The following INVS variants were observed in gnomAD, a reference collection of about 807,000 sequenced individuals.
INVS encodes inversin.
Under a neutral mutation model 108.8 loss-of-function variants are expected in INVS, and 86 were observed. The ratio of observed to expected loss-of-function variants is 0.79; its 90% CI spans 0.66 to 0.95. The LOEUF (loss-of-function observed/expected upper bound fraction) is 0.95, where lower values mean the gene tolerates loss of function less well. Among genes scored for constraint, INVS ranks in the 40% least tolerant of loss-of-function variants. The pLI is 0.00. For synonymous variants in INVS, 455 were observed against 473.5 expected, an observed-to-expected ratio of 0.96 and a Z score of 0.51; for missense variants, 1,169 against 1,297.4, an observed-to-expected ratio of 0.90 and a Z score of 1.52.
intron 3 of INVS, 117 bp from the exon 4 acceptor site, chr9:100,225,945 T>TTCTCTGGATGTTATTACTC: frequency 1.4e-6 from 1 of 693,800 alleles, no homozygotes; most frequent in Non-Finnish European, 2.4e-6. Context: ...CCTTATTAAT[T>TTCTCTGGATGTTATTACTC]TCTCTGGATG....
intron 12 of INVS, among the ~76,000 whole-genome samples, chr9:100,281,756 A>G (rs1044568557): frequency 2.3e-5 from 3 of 131,602 alleles, no homozygotes; most frequent in Non-Finnish European, 3.3e-5. Context: ...CCCCCCTCCA[A>G]AGCAATCTCC....
chr9:100,219,366 AGAGGCT>A (rs1460085317), intron 3 of INVS, among the ~76,000 whole-genome samples: 1 of 152,130 alleles, frequency 6.6e-6, no homozygotes, highest in Non-Finnish European at 1.5e-5. Flanking sequence ...CAACTACTTG[AGAGGCT>A]GAGGTGGTAG....
At chr9:100,201,145 T>C (rs1241143402) in intron 3 of INVS, among the ~76,000 whole-genome samples, 1 of 152,226 alleles carries the variant, frequency 6.6e-6, no homozygotes, top group African/African-American at 2.4e-5. Flanking sequence ...CATGTCTGCA[T>C]TGGTTCTCCT....
At chr9:100,105,189 C>G (rs1322230665) in intron 2 of INVS, among the ~76,000 whole-genome samples, 1 of 152,134 alleles carries the variant, frequency 6.6e-6, no homozygotes, top group East Asian at 1.9e-4. Flanking sequence ...TCACAAGTTG[C>G]AAATCCCAAA....
chr9:100,282,075 A>G (rs578205062), intron 12 of INVS, among the ~76,000 whole-genome samples: 9 of 152,296 alleles, frequency 5.9e-5, no homozygotes, highest in Admixed American at 2.6e-4. Context: ...AAGAGCCAAT[A>G]TCATTCTCTT....
intron 11 of INVS, among the ~76,000 whole-genome samples, chr9:100,270,798 C>T (rs921063599): frequency 3.3e-5 from 5 of 149,474 alleles, no homozygotes; most frequent in Admixed American, 2.0e-4. Flanking sequence ...GGTACATGCC[C>T]GTGGTCCCAG....
intron 3 of INVS, among the ~76,000 whole-genome samples, chr9:100,162,503 G>A (rs1293611964): frequency 3.9e-5 from 6 of 152,134 alleles, no homozygotes; most frequent in Non-Finnish European, 7.4e-5. Context: ...TTCAGGCATT[G>A]CATATAGACC....
chr9:100,175,984 G>A (rs1248401378), intron 3 of INVS: 2 of 553,698 alleles, frequency 3.6e-6, no homozygotes, highest in Admixed American at 1.9e-5. Context: ...AGACCACTAG[G>A]TATTTTAGTA....
rs538689458 is a variant in INVS, at chr9:100,213,127, G to A, written c.274-12935G>A. The stretch of plus-strand genomic sequence containing the variant: ...AATCCCATTTATGAGCTCCACCCTC[G>A]TGATGTAATCATCTTCCAAATGTCC... On this transcript the variant is annotated intron_variant, in intron 3 of 16. Coordinates refer to ENST00000262457, the MANE Select transcript of INVS (RefSeq NM_014425.5). Among the ~76,000 whole-genome samples the A allele has an allele frequency of 1.9e-4, 28 of 148,088 alleles. 1 individual carries two copies. The highest frequency in any genetic ancestry group is 2.4e-4 in the Non-Finnish European group (16 of 67,076).
chr9:100,186,585 C>T (rs1285324098), intron 3 of INVS, among the ~76,000 whole-genome samples: 1 of 152,064 alleles, frequency 6.6e-6, no homozygotes, highest in South Asian at 2.1e-4. Flanking sequence ...GATATTATCT[C>T]ATTGTGGTTT....
chr9:100,189,682 T>A (rs760786718), intron 3 of INVS, among the ~76,000 whole-genome samples: 9 of 152,178 alleles, frequency 5.9e-5, no homozygotes, highest in Non-Finnish European at 1.3e-4. Context: ...TTGCCTATCA[T>A]GTGTTCTATC....
chr9:100,258,260 A>T (rs1832489823), intron 10 of INVS, among the ~76,000 whole-genome samples: 1 of 152,118 alleles, frequency 6.6e-6, no homozygotes, highest in African/African-American at 2.4e-5. Context: ...CCATCAGGTC[A>T]TTTAAGGTCG....
chr9:100,277,065 C>T (rs1833135603), intron 12 of INVS, among the ~76,000 whole-genome samples: 1 of 152,118 alleles, frequency 6.6e-6, no homozygotes, highest in African/African-American at 2.4e-5. Flanking sequence ...TGCTTAAGTC[C>T]CTTCTACGAG....
chr9:100,266,774 T>C (rs1446764841), intron 11 of INVS, among the ~76,000 whole-genome samples: 1 of 152,124 alleles, frequency 6.6e-6, no homozygotes, highest in Non-Finnish European at 1.5e-5. Flanking sequence ...ACCTAGGTCT[T>C]TGTGTTAGTT....
intron 3 of INVS, among the ~76,000 whole-genome samples, chr9:100,156,245 G>A (rs1344910287): frequency 6.6e-6 from 1 of 150,412 alleles, no homozygotes; most frequent in Non-Finnish European, 1.5e-5. Flanking sequence ...AAAACTCCAT[G>A]AGTTAGGAAT....
intron 3 of INVS, among the ~76,000 whole-genome samples, chr9:100,191,244 G>A (rs1331414145): frequency 1.3e-5 from 2 of 152,146 alleles, no homozygotes; most frequent in Admixed American, 6.6e-5. Context: ...GGTCAGGGAA[G>A]TTCTCCTTAA....
At chr9:100,230,570 G>A (rs1464590095) in intron 5 of INVS, among the ~76,000 whole-genome samples, 1 of 152,082 alleles carries the variant, frequency 6.6e-6, no homozygotes, top group African/African-American at 2.4e-5. Flanking sequence ...CCAGGCTGTA[G>A]TACAGTGGCA....
intron 3 of INVS, among the ~76,000 whole-genome samples, chr9:100,181,123 G>T (rs887159816): frequency 7.2e-5 from 11 of 152,116 alleles, no homozygotes; most frequent in Non-Finnish European, 1.3e-4. Context: ...ATGATGGAAT[G>T]TATCTCAAAA....
intron 3 of INVS, among the ~76,000 whole-genome samples, chr9:100,215,979 T>C (rs1359971959): frequency 6.6e-6 from 1 of 152,214 alleles, no homozygotes; most frequent in Non-Finnish European, 1.5e-5. Context: ...CATTGCCTTA[T>C]CTAGTGCAGT....
Sources: allele counts gnomAD v4.1 joint callset (sites outside exome capture counted in the v4.1 genomes callset), GRCh38; gene constraint gnomAD v4.1.1; transcripts MANE v1.5; gene names NCBI Gene and HGNC (gene_info 2026-07-23, HGNC 2026-07-21).